ZNF652: variants seen among roughly 807,000 people sequenced by gnomAD.
ZNF652 encodes zinc finger protein 652.
Under a neutral mutation model 45.2 loss-of-function variants are expected in ZNF652, and 16 were observed. The observed-to-expected ratio is 0.35, with a 90% CI of 0.24 to 0.54. The LOEUF is 0.54. Among genes scored for constraint, ZNF652 ranks in the 20% least tolerant of loss-of-function variants. The pLI is 0.91. For missense variants in ZNF652, 614 were observed against 765.6 expected, an observed-to-expected ratio of 0.80 and a Z score of 2.34; for synonymous variants, 250 against 260.6, an observed-to-expected ratio of 0.96 and a Z score of 0.39.
intron 1 of ZNF652, among the ~76,000 whole-genome samples, chr17:49,352,464 G>A (rs1411461707): frequency 6.6e-6 from 1 of 152,128 alleles, no homozygotes; most frequent in East Asian, 1.9e-4. Context: ...CTTCTCATAA[G>A]GCTCAAAATG....
chr17:49,340,396 A>G lies in ZNF652; in HGVS notation c.-259+21513T>C, dbSNP rs1311055873. On this transcript the variant is annotated intron_variant, in intron 1 of 5. Coordinates refer to ENST00000430262, the MANE Select transcript of ZNF652 (RefSeq NM_001145365.3). ...CATGGCGAAACCTTGTCTCTACTAA[A>G]TATACAAAAATTAGGTGGGTGTGGT... is the stretch of plus-strand genomic sequence containing the variant. 2.0e-5 allele frequency among the ~76,000 whole-genome samples: 3 copies of G among 152,004 alleles called. No homozygotes were observed. In the South Asian group the frequency reaches 6.2e-4, roughly 32 times the overall value.
At position 49,298,217 on chromosome 17, in the gene ZNF652, T is replaced by G; in HGVS notation, c.*196A>C. ...GCTTTAGTTCAGTGGTTCCCCTGGT[T>G]TAGATGACAGTCCCTCTGTGAGCTC... On this transcript the variant is annotated 3_prime_UTR_variant, in exon 6 of 6. Coordinates refer to ENST00000430262, the MANE Select transcript of ZNF652 (RefSeq NM_001145365.3). 1 of 673,320 alleles carries G rather than the reference T, an allele frequency of 1.5e-6. No individual in the cohort carries two copies. The highest frequency in any genetic ancestry group is 2.4e-6 in the Non-Finnish European group (1 of 416,976). 41.7% of individuals were successfully genotyped at this position (673,320 alleles called of 1,614,324 possible).
chr17:49,317,339 A>T lies in ZNF652; in HGVS notation c.387T>A (p.Asn129Lys). The change falls in exon 2 of 6, where the codon AAT becomes AAA. Residue 129 changes from asparagine to lysine, a missense_variant. Asn to Lys is a moderately conservative substitution (Grantham distance 94). Transcript: ENST00000430262. ...AGACACCCTTTTCCCCTTTAGATAC[A>T]TTTAATGTTTGATTATTAAGGTTTA... Reference protein sequence around the residue: ...VEVNLNNQTLNVSKGEKGVSS... With the variant: ...VEVNLNNQTLKVSKGEKGVSS... The T allele has an allele frequency of 6.2e-7, 1 of 1,613,614 alleles. No homozygotes were observed. Among genetic ancestry groups the T allele is most frequent in the Non-Finnish European group, 8.5e-7 (1 of 1,180,004 alleles).
chr17:49,359,710 A>C (rs775003105), intron 1 of ZNF652, among the ~76,000 whole-genome samples: 1 of 152,222 alleles, frequency 6.6e-6, no homozygotes, highest in Non-Finnish European at 1.5e-5. Context: ...TATTGATAGA[A>C]TGGTGCAAAG....
At chr17:49,313,024 T>C (rs193076862) in intron 2 of ZNF652, among the ~76,000 whole-genome samples, 179 bp from the exon 3 acceptor site, 1 of 152,198 alleles carries the variant, frequency 6.6e-6, no homozygotes, top group African/African-American at 2.4e-5. Context: ...TTTTCTAAGA[T>C]GCATCTTTTA....
intron 1 of ZNF652, among the ~76,000 whole-genome samples, chr17:49,322,777 CGG>C (rs368210604): frequency 6.6e-6 from 1 of 152,036 alleles, no homozygotes; most frequent in Non-Finnish European, 1.5e-5. Context: ...CCGAGCTACT[CGG>C]GAGGCTGAGG....
chr17:49,362,145 C>T lies in ZNF652; in HGVS notation c.-495G>A, dbSNP rs1379118006. The stretch of plus-strand genomic sequence containing the variant: ...GTCTCGCGACTCCCTTCCCAGCGCG[C>T]GAGGGCGAGCGGGGCCGGCGGGGCG... On this transcript the variant is annotated 5_prime_UTR_variant, in exon 1 of 6. Transcript: ENST00000430262. 6.7e-6 allele frequency: 1 copy of T among 150,134 alleles called. No homozygotes were observed. The highest frequency in any genetic ancestry group is 2.0e-4 in the East Asian group (1 of 5,042). 9.3% of individuals were successfully genotyped at this position (150,134 alleles called of 1,614,324 possible). A position where few individuals can be genotyped will look rare whatever the true frequency, so the allele number is the denominator to read the frequency against.
rs547817050 is a variant in ZNF652 at position 49,295,627 on chromosome 17, T to C, written c.*2786A>G. The C allele has an allele frequency of 6.6e-6, 1 of 152,492 alleles. No homozygotes were observed. The highest frequency in any genetic ancestry group is 2.1e-4 in the South Asian group (1 of 4,818). 9.4% of individuals were successfully genotyped at this position (152,492 alleles called of 1,614,324 possible). On this transcript the variant is annotated 3_prime_UTR_variant, in exon 6 of 6. Coordinates refer to ENST00000430262, the MANE Select transcript of ZNF652 (RefSeq NM_001145365.3). ...TCTAGAATCCAGAATTGCTGCCCAA[T>C]ACTGTAAATTTATTCAGAACAAAAT...
intron 1 of ZNF652, among the ~76,000 whole-genome samples, chr17:49,350,469 G>T (rs541965054): frequency 6.6e-6 from 1 of 151,590 alleles, no homozygotes. Flanking sequence ...AACCTGGGAG[G>T]CAGAGGTGGC....
chr17:49,312,566 A>C (rs932726753), intron 3 of ZNF652, 132 bp downstream of exon 3: 2 of 906,318 alleles, frequency 2.2e-6, no homozygotes, highest in South Asian at 3.5e-5. Context: ...CTTACTGAAG[A>C]CATAATGCAT....
chr17:49,323,410 T>C (rs907672315), intron 1 of ZNF652, among the ~76,000 whole-genome samples: 2 of 152,232 alleles, frequency 1.3e-5, no homozygotes, highest in South Asian at 4.1e-4. Flanking sequence ...TCCACTGAAG[T>C]GTTGAAACCC....
rs923593708 is a variant in ZNF652, at chr17:49,294,723, T to C, written c.*3690A>G. ...CTCATCCTCAAATAAGTCTTAACCC[T>C]AGCAATGATACAAGCCTTTGAAGAC... On this transcript the variant is annotated 3_prime_UTR_variant, in exon 6 of 6. Transcript: ENST00000430262. 1 of 152,160 alleles carries C rather than the reference T, an allele frequency of 6.6e-6. No homozygotes were observed. The highest frequency in any genetic ancestry group is 2.4e-5 in the African/African-American group (1 of 41,428). 9.4% of individuals were successfully genotyped at this position (152,160 alleles called of 1,614,324 possible). A position where few individuals can be genotyped will look rare whatever the true frequency, so the allele number is the denominator to read the frequency against.
chr17:49,351,222 T>C (rs1185556206), intron 1 of ZNF652, among the ~76,000 whole-genome samples: 1 of 151,776 alleles, frequency 6.6e-6, no homozygotes, highest in African/African-American at 2.4e-5. Flanking sequence ...AACTGGCTAA[T>C]ACCAAGAAAA....
chr17:49,348,882 A>G (rs920536818), intron 1 of ZNF652, among the ~76,000 whole-genome samples: 1 of 152,144 alleles, frequency 6.6e-6, no homozygotes, highest in African/African-American at 2.4e-5. Context: ...AGTTATCCCT[A>G]TGCATTTTTG....
At chr17:49,324,174 G>A (rs765231982) in intron 1 of ZNF652, among the ~76,000 whole-genome samples, 2 of 152,164 alleles carry the variant, frequency 1.3e-5, no homozygotes, top group African/African-American at 2.4e-5. Context: ...GCACTTTTAC[G>A]TTATGGAGAT....
chr17:49,351,048 C>T (rs1351909992), intron 1 of ZNF652, among the ~76,000 whole-genome samples: 2 of 123,382 alleles, frequency 1.6e-5, no homozygotes, highest in East Asian at 2.4e-4. Context: ...CACACACACA[C>T]ACACACATAT....
At chr17:49,360,308 T>C (rs1386791309) in intron 1 of ZNF652, among the ~76,000 whole-genome samples, 1 of 152,200 alleles carries the variant, frequency 6.6e-6, no homozygotes, top group African/African-American at 2.4e-5. Flanking sequence ...CCTTTCACTT[T>C]TGCATAACAG....
chr17:49,305,309 A>G (rs1203454857), intron 5 of ZNF652, among the ~76,000 whole-genome samples: 3 of 151,852 alleles, frequency 2.0e-5, no homozygotes, highest in Non-Finnish European at 2.9e-5. Context: ...ATTCGTTGCC[A>G]TTACCATAAA....
intron 1 of ZNF652, among the ~76,000 whole-genome samples, chr17:49,355,581 A>T (rs2070327088): frequency 6.6e-6 from 1 of 151,520 alleles, no homozygotes; most frequent in Non-Finnish European, 1.5e-5. Flanking sequence ...TGTCTCAAAT[A>T]AAAAAAATAA....
Sources: gnomAD v4.1 joint callset for allele counts (sites outside exome capture counted in the v4.1 genomes callset) on GRCh38, gnomAD v4.1.1 for gene constraint, MANE v1.5 for transcripts, NCBI Gene and HGNC (gene_info 2026-07-23, HGNC 2026-07-21) for gene names.